ITGB3: variants seen among roughly 807,000 people sequenced by gnomAD.
ITGB3 encodes integrin beta-3.
In ITGB3, 48 loss-of-function variants were observed where a neutral mutation model predicts 85.8. The observed-to-expected ratio is 0.56, with a 90% CI of 0.44 to 0.71. The LOEUF (loss-of-function observed/expected upper bound fraction) is 0.71. Among genes scored for constraint, ITGB3 ranks in the 30% least tolerant of loss-of-function variants. The pLI is 0.00. For synonymous variants in ITGB3, 363 were observed against 395.6 expected (o/e 0.92, Z 0.98); for missense variants, 861 against 1,019.1 (o/e 0.84, Z 2.11).
rs1598697201 is a variant in ITGB3 at position 47,296,796 on chromosome 17, T to C, written c.1691-2512T>C. 2.0e-5 allele frequency among the ~76,000 whole-genome samples: 3 copies of C among 152,102 alleles called. No individual in the cohort carries two copies. In the South Asian group the frequency reaches 6.2e-4, roughly 32 times the overall value. ...CCCCAAATATTGAAAAGTACCAAGG[T>C]TGAGAAATCACATTTTACAAAGAGA... is the stretch of plus-strand genomic sequence containing the variant. On this transcript the variant is annotated intron_variant, in intron 10 of 14. Coordinates refer to ENST00000559488, the MANE Select transcript of ITGB3 (RefSeq NM_000212.3).
intron 2 of ITGB3, among the ~76,000 whole-genome samples, chr17:47,281,738 C>T (rs2143086265): frequency 6.6e-6 from 1 of 152,074 alleles, no homozygotes; most frequent in East Asian, 1.9e-4. Flanking sequence ...TCATAATTAG[C>T]TTATCCAGGA....
intron 2 of ITGB3, among the ~76,000 whole-genome samples, chr17:47,281,361 C>T (rs549934616): frequency 6.6e-6 from 1 of 152,112 alleles, no homozygotes; most frequent in South Asian, 2.1e-4. Context: ...GGTAAGGAGC[C>T]CTCATAGACA....
At chr17:47,292,620 C>A (rs771201778) in intron 10 of ITGB3, 52 bp downstream of exon 10, 1 of 1,575,008 alleles carries the variant, frequency 6.3e-7, no homozygotes. Context: ...CCCTCATATA[C>A]CTGCAACCAC....
At position 47,253,923 on chromosome 17, in the gene ITGB3, CG is replaced by C; in HGVS notation, c.65del (p.Gly22AlafsTer4). 1 of 1,414,470 alleles carries C rather than the reference CG, an allele frequency of 7.1e-7. No individual in the cohort carries two copies. 87.6% of individuals were successfully genotyped at this position (1,414,470 alleles called of 1,614,324 possible). ...WATVLALGAL[A>X]GVGVGGPNIC... ...ACTGTGCTGGCGCTGGGGGCGCTGG[CG>C]GGCGTTGGCGTAGGAGGTGAGTGAG... is the stretch of plus-strand genomic sequence containing the variant. On this transcript the variant is annotated frameshift_variant, in exon 1 of 15. Transcript: ENST00000559488. LOFTEE classifies it high-confidence loss of function.
chr17:47,295,065 GAGC>G (rs58536885), intron 10 of ITGB3, among the ~76,000 whole-genome samples: 4,130 of 152,302 alleles, frequency 0.027, 197 homozygotes, highest in African/African-American at 0.093. Context: ...CAGCTTCTGT[GAGC>G]CAGATTCTGT....
chr17:47,280,984 G>C (rs11079770), intron 2 of ITGB3, among the ~76,000 whole-genome samples: 34,732 of 152,094 alleles, frequency 0.23, 4,488 homozygotes, highest in East Asian at 0.47. Flanking sequence ...CTGCAACTTT[G>C]AGCAAATTCC....
At chr17:47,285,718 T>G (rs1357270351) in intron 4 of ITGB3, among the ~76,000 whole-genome samples, 1 of 152,238 alleles carries the variant, frequency 6.6e-6, no homozygotes, top group Non-Finnish European at 1.5e-5. Flanking sequence ...TTAAACACAC[T>G]ATTTTGACTG....
chr17:47,298,324 T>C (rs1386619956), intron 10 of ITGB3, among the ~76,000 whole-genome samples: 2 of 152,146 alleles, frequency 1.3e-5, no homozygotes, highest in Non-Finnish European at 2.9e-5. Context: ...TCTGACTTCT[T>C]TTCTCTATGG....
chr17:47,260,450 C>A (rs1436676186), intron 1 of ITGB3, among the ~76,000 whole-genome samples: 1 of 152,202 alleles, frequency 6.6e-6, no homozygotes, highest in Admixed American at 6.5e-5. Context: ...GCTTGAAAAA[C>A]TTTGCACTAG....
intron 13 of ITGB3, among the ~76,000 whole-genome samples, chr17:47,305,186 C>T (rs1157093457): frequency 6.6e-6 from 1 of 152,196 alleles, no homozygotes; most frequent in Admixed American, 6.5e-5. Context: ...TCAGCCCTAC[C>T]CAAATCTTCC....
intron 1 of ITGB3, among the ~76,000 whole-genome samples, chr17:47,265,795 T>G (rs1598680131): frequency 6.6e-6 from 1 of 152,326 alleles, no homozygotes; most frequent in South Asian, 2.1e-4. Context: ...TCTGATATAC[T>G]TAAAAACAGT....
chr17:47,259,918 A>C (rs2065003351), intron 1 of ITGB3, among the ~76,000 whole-genome samples: 1 of 152,162 alleles, frequency 6.6e-6, no homozygotes, highest in African/African-American at 2.4e-5. Flanking sequence ...GAACAAAACA[A>C]AACAAATATT....
chr17:47,295,078 T>C (rs1701096915), intron 10 of ITGB3, among the ~76,000 whole-genome samples: 1 of 152,168 alleles, frequency 6.6e-6, no homozygotes, highest in Non-Finnish European at 1.5e-5. Context: ...CCAGATTCTG[T>C]GCTGTTGTGG....
At chr17:47,284,111 G>A (rs1377496536) in intron 3 of ITGB3, among the ~76,000 whole-genome samples, 5 of 152,162 alleles carry the variant, frequency 3.3e-5, no homozygotes, top group Non-Finnish European at 7.3e-5. Context: ...TTCAGAGAAG[G>A]GTAGGGTGCA....
rs2065128947 is a variant in ITGB3 at position 47,292,164 on chromosome 17, T to C, written c.1286T>C (p.Val429Ala). The stretch of plus-strand genomic sequence containing the variant: ...GTGAGCTTCAGCATTGAGGCCAAGG[T>C]GCGAGGCTGTCCCCAGGAGAAGGAG... ...DTVSFSIEAK[V>A]RGCPQEKEKS... Residue 429 changes from valine to alanine, a missense_variant, in exon 10 of 15, where the codon GTG (valine) becomes GCG (alanine). Val to Ala is a moderately conservative substitution (Grantham distance 64). Transcript: ENST00000559488. The C allele has an allele frequency of 1.2e-6, 2 of 1,614,082 alleles. No homozygotes were observed. Among genetic ancestry groups the C allele is most frequent in the Admixed American group, 1.7e-5 (1 of 60,014 alleles).
chr17:47,279,724 A>G (rs937178394), intron 2 of ITGB3: 3 of 152,204 alleles, frequency 2.0e-5, no homozygotes, highest in Non-Finnish European at 4.4e-5. Context: ...GCTCTCATCC[A>G]GTTTGCTGGG....
rs199802776 is a variant in ITGB3 at position 47,274,384 on chromosome 17, A to C, written c.80-35A>C. On this transcript the variant is annotated intron_variant, in intron 1 of 14. Transcript: ENST00000559488. ...GCAGGCAAGTACCTTCACTGAGCCA[A>C]ATCTGGTGCTAATGCCTTTGTCTGT... 4.4e-6 allele frequency: 7 copies of C among 1,601,938 alleles called. No homozygotes were observed. The Middle Eastern group carries it at 6.9e-4, about 158-fold the overall frequency.
intron 10 of ITGB3, among the ~76,000 whole-genome samples, chr17:47,294,366 G>A (rs2065138211): frequency 6.6e-6 from 1 of 152,240 alleles, no homozygotes; most frequent in South Asian, 2.1e-4. Flanking sequence ...GGCACCCCCA[G>A]TCCTCCTCCA....
chr17:47,254,249 C>G (rs1011700445), intron 1 of ITGB3, among the ~76,000 whole-genome samples: 2 of 152,050 alleles, frequency 1.3e-5, no homozygotes, highest in South Asian at 2.1e-4. Context: ...GCCCCGCGCT[C>G]ACCCGGGGCT....
Sources: allele counts gnomAD v4.1 joint callset (sites outside exome capture counted in the v4.1 genomes callset), GRCh38; gene constraint gnomAD v4.1.1; transcripts MANE v1.5; gene names NCBI Gene and HGNC (gene_info 2026-07-23, HGNC 2026-07-21).